The following PCNX2 variants were observed in gnomAD, a reference collection of about 807,000 sequenced individuals.
PCNX2 encodes pecanex 2, also known as pecanex-like protein 2.
Under a neutral mutation model 223.8 loss-of-function variants are expected in PCNX2, and 168 were observed. The ratio of observed to expected loss-of-function variants is 0.75; its 90% CI spans 0.66 to 0.85. The LOEUF (loss-of-function observed/expected upper bound fraction) is 0.85. Among genes scored for constraint, PCNX2 ranks in the 40% least tolerant of loss-of-function variants. PCNX2 has a pLI of 0.00. For synonymous variants in PCNX2, 1,006 were observed against 1,052.6 expected (o/e 0.96, Z 0.86); for missense variants, 2,507 against 2,675.5 (o/e 0.94, Z 1.39).
chr1:233,012,122 T>C (rs1395254391), intron 28 of PCNX2, among the ~76,000 whole-genome samples: 2 of 152,202 alleles, frequency 1.3e-5, no homozygotes, highest in Non-Finnish European at 2.9e-5. Context: ...TCTGTGTTGA[T>C]GACTGTTGTT....
intron 1 of PCNX2, among the ~76,000 whole-genome samples, chr1:233,284,459 A>G (rs1661344308): frequency 6.6e-6 from 1 of 152,100 alleles, no homozygotes; most frequent in Admixed American, 6.5e-5. Flanking sequence ...CAGACTTCAG[A>G]TTAGAAGTTA....
chr1:233,279,111 G>T (rs1452328972), intron 1 of PCNX2, among the ~76,000 whole-genome samples: 2 of 152,146 alleles, frequency 1.3e-5, no homozygotes, highest in African/African-American at 4.8e-5. Context: ...CTGAGTTCTA[G>T]ATCTGTCTAT....
At chr1:233,197,569 C>T (rs1000952080) in intron 15 of PCNX2, among the ~76,000 whole-genome samples, 3 of 152,194 alleles carry the variant, frequency 2.0e-5, no homozygotes, top group African/African-American at 4.8e-5. Context: ...CGGGCCACTA[C>T]AAGCACATAA....
intron 1 of PCNX2, among the ~76,000 whole-genome samples, chr1:233,274,369 C>T (rs1484690722): frequency 6.6e-6 from 1 of 152,166 alleles, no homozygotes; most frequent in Non-Finnish European, 1.5e-5. Flanking sequence ...TAGTAGCAAT[C>T]CCTCCAGTGG....
At chr1:233,177,735 T>G in intron 17 of PCNX2, 67 bp downstream of exon 17, 1 of 1,372,052 alleles carries the variant, frequency 7.3e-7, no homozygotes, top group East Asian at 2.3e-5. Context: ...AGAGCTCCAT[T>G]GAGAGCCTGA....
rs146553466 is a variant in PCNX2, at chr1:232,994,958, C to T, written c.5791+3293G>A. ...GTAAATTACACAGTCTCAGGTAGTACCTTTGTAGCAGTGTGAAAACAGACT... is the reference window on the plus strand; with the variant it reads ...GTAAATTACACAGTCTCAGGTAGTATCTTTGTAGCAGTGTGAAAACAGACT... On this transcript the variant is annotated intron_variant, in intron 32 of 33. Coordinates refer to ENST00000258229, the MANE Select transcript of PCNX2 (RefSeq NM_014801.4). Among the ~76,000 whole-genome samples, 344 of 152,290 alleles carry T rather than the reference C, an allele frequency of 2.3e-3. 1 individual carries two copies. The highest frequency in any genetic ancestry group is 7.7e-3 in the African/African-American group (320 of 41,554).
chr1:233,258,618 G>C lies in PCNX2; in HGVS notation c.1244C>G (p.Pro415Arg). 3 of 1,613,926 alleles carry C rather than the reference G, an allele frequency of 1.9e-6. No homozygotes were observed. Among genetic ancestry groups the C allele is most frequent in the Non-Finnish European group, 2.5e-6 (3 of 1,179,866 alleles). Residue 415 changes from proline to arginine, a missense_variant, in exon 5 of 34, where the codon CCA (proline) becomes CGA (arginine). Around this residue, in one of 3 missense-constraint regions of PCNX2, gnomAD observed 1,031 missense variants for 1,021.7 expected, o/e 1.01. Coordinates refer to ENST00000258229, the MANE Select transcript of PCNX2 (RefSeq NM_014801.4). ...SVKSDAEPTN[P>R]GAAGSPNAEQ... ...GGCATTTGGAGAACCGGCCGCCCCT[G>C]GGTTAGTGGGCTCAGCGTCAGACTT...
chr1:232,986,683 A>C (rs1669501886), intron 32 of PCNX2, 143 bp from the exon 33 acceptor site: 2 of 784,200 alleles, frequency 2.6e-6, no homozygotes, highest in Non-Finnish European at 3.8e-6. Flanking sequence ...AAGAGCTGGA[A>C]GCCTGACCAC....
chr1:232,998,293 C>G lies in PCNX2; in HGVS notation c.5749G>C (p.Ala1917Pro). ...TCACAGGATGACACCCCGTGCTGAG[C>G]ACCGCCTTTTCTGGGCTGTTCTGCG... Reference protein sequence around the residue: ...SSAEQPRKGGAQHGVSSCEGT... With the variant: ...SSAEQPRKGGPQHGVSSCEGT... Residue 1917 changes from alanine to proline, a missense_variant, in exon 32 of 34, where the codon GCT (alanine) becomes CCT (proline). Ala to Pro is a conservative substitution (Grantham distance 27). This residue lies in a region of PCNX2 where 1,372 missense variants were observed against 1,509.4 expected (regional missense o/e 0.91). Transcript: ENST00000258229. The G allele has an allele frequency of 6.2e-7, 1 of 1,606,572 alleles. No individual in the cohort carries two copies. Among genetic ancestry groups the G allele is most frequent in the Non-Finnish European group, 8.5e-7 (1 of 1,176,382 alleles).
At chr1:233,194,922 C>G (rs947419289) in intron 15 of PCNX2, among the ~76,000 whole-genome samples, 5 of 149,816 alleles carry the variant, frequency 3.3e-5, no homozygotes, top group African/African-American at 1.2e-4. Context: ...GAGGCTGAGG[C>G]AGGAGAATGG....
intron 1 of PCNX2, among the ~76,000 whole-genome samples, chr1:233,263,707 C>T (rs143343202): frequency 6.2e-4 from 94 of 152,230 alleles, no homozygotes; most frequent in African/African-American, 2.2e-3. Flanking sequence ...CCGCCCACTT[C>T]GACCTCTCAA....
chr1:233,177,732 C>T lies in PCNX2; in HGVS notation c.3273+70G>A, dbSNP rs1679560251. 1.5e-6 allele frequency: 2 copies of T among 1,327,038 alleles called. 1 individual carries two copies. Among genetic ancestry groups the T allele is most frequent in the South Asian group, 2.5e-5 (2 of 80,358 alleles). The allele number at this position is 1,327,038 out of a possible 1,614,324, so 82.2% of individuals were successfully genotyped here. A position where few individuals can be genotyped will look rare whatever the true frequency, so the allele number is the denominator to read the frequency against. On this transcript the variant is annotated intron_variant, in intron 17 of 33. Coordinates refer to ENST00000258229, the MANE Select transcript of PCNX2 (RefSeq NM_014801.4). ...TCTCATGTCCACCTGCCTAGAGCTC[C>T]ATTGAGAGCCTGATCTCTGCTGAAA...
At chr1:233,054,671 T>C (rs1007547820) in intron 24 of PCNX2, 188 bp from the exon 25 acceptor site, 20 of 549,968 alleles carry the variant, frequency 3.6e-5, no homozygotes, top group Admixed American at 1.0e-4. Context: ...CCCTCAATAT[T>C]CTCTCTGTGT....
chr1:233,250,738 C>G lies in PCNX2; in HGVS notation c.2222+1G>C. ...AAGCCTGGAAACAAAGCTCCACTCA[C>G]CGAGCCTGAGAGAGACAGTCATTAT... On this transcript the variant is annotated splice_donor_variant, in intron 8 of 33. Transcript: ENST00000258229. LOFTEE classifies it high-confidence loss of function. 1 of 1,601,186 alleles carries G rather than the reference C, an allele frequency of 6.2e-7. No individual in the cohort carries two copies. The highest frequency in any genetic ancestry group is 8.5e-7 in the Non-Finnish European group (1 of 1,174,108).
Position 232,983,783 on chromosome 1 carries a change from G to T in PCNX2, c.*521C>A, listed in dbSNP as rs1669349260. On this transcript the variant is annotated 3_prime_UTR_variant, in exon 34 of 34. Coordinates refer to ENST00000258229, the MANE Select transcript of PCNX2 (RefSeq NM_014801.4). ...AGAAATAGGGTTTTCTTGACACTTA[G>T]ATTTAACCTTAATGCATCTGCCCAG... 6.6e-6 allele frequency: 1 copy of T among 152,188 alleles called. No individual in the cohort carries two copies. The highest frequency in any genetic ancestry group is 1.5e-5 in the Non-Finnish European group (1 of 68,034). The allele number at this position is 152,188 out of a possible 1,614,324, so 9.4% of individuals were successfully genotyped here.
intron 21 of PCNX2, among the ~76,000 whole-genome samples, chr1:233,130,285 C>G (rs1676394589): frequency 6.6e-6 from 1 of 152,180 alleles, no homozygotes; most frequent in Non-Finnish European, 1.5e-5. Flanking sequence ...CCCACCAATT[C>G]CGGACACACT....
chr1:233,050,348 TAA>T (rs906732779), intron 25 of PCNX2, among the ~76,000 whole-genome samples: 4 of 135,068 alleles, frequency 3.0e-5, no homozygotes, highest in Admixed American at 1.5e-4. Context: ...CCATACTGAA[TAA>T]AAAAAAAAAG....
At position 233,295,566 on chromosome 1, in the gene PCNX2, G is replaced by C; in HGVS notation, c.-88C>G. Reference sequence around the variant, plus strand: ...CAGGCTCCCTCAGGTCTAACACCCGGGCCCGCGGGCCGCGCCCCCGCCGTC... The same window carrying C: ...CAGGCTCCCTCAGGTCTAACACCCGCGCCCGCGGGCCGCGCCCCCGCCGTC... On this transcript the variant is annotated 5_prime_UTR_variant, in exon 1 of 34. Coordinates refer to ENST00000258229, the MANE Select transcript of PCNX2 (RefSeq NM_014801.4). This position sits in a 1 kb window ranked among gnomAD's most constrained non-coding sequence, Gnocchi z 4.1. 7.9e-7 allele frequency: 1 copy of C among 1,263,322 alleles called. No individual in the cohort carries two copies. The highest frequency in any genetic ancestry group is 4.2e-5 in the Admixed American group (1 of 23,540). The allele number at this position is 1,263,322 out of a possible 1,614,324, so 78.3% of individuals were successfully genotyped here. A position where few individuals can be genotyped will look rare whatever the true frequency, so the allele number is the denominator to read the frequency against.
intron 19 of PCNX2, among the ~76,000 whole-genome samples, chr1:233,149,032 G>A (rs1463869679): frequency 6.6e-6 from 1 of 152,180 alleles, no homozygotes; most frequent in African/African-American, 2.4e-5. Flanking sequence ...CCCAGATTGT[G>A]TTAGGGTTCA....
Sources: allele counts gnomAD v4.1 joint callset (sites outside exome capture counted in the v4.1 genomes callset), GRCh38; gene constraint gnomAD v4.1.1; regional missense constraint gnomAD v4.1.1; non-coding constraint Gnocchi (gnomAD v3.1); transcripts MANE v1.5; gene names NCBI Gene and HGNC (gene_info 2026-07-23, HGNC 2026-07-21).